The following STON1 variants were observed in gnomAD, a reference collection of about 807,000 sequenced individuals.
STON1 encodes the protein stonin 1, also known as stonin-1.
Under a neutral mutation model 60.9 loss-of-function variants are expected in STON1, and 79 were observed. The ratio of observed to expected loss-of-function variants is 1.30; its 90% CI spans 1.08 to 1.56. The LOEUF is 1.56. STON1 is among the 40% of genes most tolerant of loss of function. The pLI, the probability that STON1 is intolerant of heterozygous loss-of-function variation, is 0.00. For synonymous variants in STON1, 363 were observed against 306.9 expected, an observed-to-expected ratio of 1.18 and a Z score of -1.91; for missense variants, 1,166 against 858.9, an observed-to-expected ratio of 1.36 and a Z score of -4.47.
At position 48,581,541 on chromosome 2, in the gene STON1, C is replaced by T; in HGVS notation, c.908C>T (p.Pro303Leu). ...QWGPIFLKVL[P>L]GGILQMYYEQ... ...GGACCAATTTTTCTGAAAGTTTTGC[C>T]TGGAGGAATTTTGCAGATGTATTAT... is the stretch of plus-strand genomic sequence containing the variant. Residue 303 changes from proline (P) to leucine (L), a missense_variant, in exon 2 of 4, where the codon CCT (proline) becomes CTT (leucine). Pro to Leu is a moderately conservative substitution (Grantham distance 98). Coordinates refer to ENST00000404752, the MANE Select transcript of STON1 (RefSeq NM_006873.4). 2 of 1,614,142 alleles carry T rather than the reference C, an allele frequency of 1.2e-6. No homozygotes were observed. The highest frequency in any genetic ancestry group is 8.5e-7 in the Non-Finnish European group (1 of 1,180,048).
chr2:48,564,480 T>TTCTTCTTCTTCTTCCTC (rs1558604783), intron 1 of STON1, among the ~76,000 whole-genome samples: 1 of 32,494 alleles, frequency 3.1e-5, no homozygotes, highest in Non-Finnish European at 6.5e-5. Flanking sequence ...CTTCTTCTTC[T>TTCTTCTTCTTCTTCCTC]TTCTTCTTCT....
intron 2 of STON1, among the ~76,000 whole-genome samples, chr2:48,586,349 A>G (rs531205680): frequency 6.6e-6 from 1 of 152,234 alleles, no homozygotes; most frequent in African/African-American, 2.4e-5. Context: ...TACAGACACA[A>G]ACATGATTCC....
At chr2:48,550,694 T>G (rs1478987121) in intron 1 of STON1, among the ~76,000 whole-genome samples, 1 of 151,612 alleles carries the variant, frequency 6.6e-6, no homozygotes, top group Non-Finnish European at 1.5e-5. Context: ...GGATGATAAC[T>G]GGTTAGCTCA....
At chr2:48,583,808 G>T (rs1674042843) in intron 2 of STON1, among the ~76,000 whole-genome samples, 1 of 150,888 alleles carries the variant, frequency 6.6e-6, no homozygotes, top group African/African-American at 2.4e-5. Flanking sequence ...GTGGAGTGCG[G>T]TGGCACAATC....
At chr2:48,545,515 A>G (rs1450390870) in intron 1 of STON1, among the ~76,000 whole-genome samples, 5 of 152,244 alleles carry the variant, frequency 3.3e-5, no homozygotes, top group South Asian at 2.1e-4. Context: ...CCATCTTTCC[A>G]TGATTCTTTC....
chr2:48,593,922 A>T (rs1183811075), intron 3 of STON1, among the ~76,000 whole-genome samples: 1 of 152,110 alleles, frequency 6.6e-6, no homozygotes, highest in Non-Finnish European at 1.5e-5. Flanking sequence ...GCAGGTGGGA[A>T]TTGCCGCCGC....
At position 48,596,161 on chromosome 2, in the gene STON1, GT is replaced by G. The variant is rs1674774676; in HGVS notation, c.*860del. 1 of 152,156 alleles carries G rather than the reference GT, an allele frequency of 6.6e-6. No homozygotes were observed. The highest frequency in any genetic ancestry group is 1.5e-5 in the Non-Finnish European group (1 of 68,026). 9.4% of individuals were successfully genotyped at this position (152,156 alleles called of 1,614,324 possible). A position where few individuals can be genotyped will look rare whatever the true frequency, so the allele number is the denominator to read the frequency against. On this transcript the variant is annotated 3_prime_UTR_variant, in exon 4 of 4. Coordinates refer to ENST00000404752, the MANE Select transcript of STON1 (RefSeq NM_006873.4). The stretch of plus-strand genomic sequence containing the variant: ...GACATATTTTGATAAAGTATTATTT[GT>G]AATGAACACAAGCCTCTCTTGAGTA...
At chr2:48,533,268 C>T (rs948413165) in intron 1 of STON1, among the ~76,000 whole-genome samples, 1 of 151,630 alleles carries the variant, frequency 6.6e-6, no homozygotes, top group Non-Finnish European at 1.5e-5. Context: ...TATAATCCCA[C>T]CTACTCGGGA....
chr2:48,563,801 C>T (rs1672710303), intron 1 of STON1, among the ~76,000 whole-genome samples: 1 of 152,054 alleles, frequency 6.6e-6, no homozygotes, highest in South Asian at 2.1e-4. Flanking sequence ...TCAAGCAGTT[C>T]TCTCACCTCG....
chr2:48,591,985 A>C, intron 3 of STON1, 130 bp downstream of exon 3: 1 of 1,288,636 alleles, frequency 7.8e-7, no homozygotes, highest in Non-Finnish European at 1.0e-6. Context: ...AGAGGATCTC[A>C]GCTATGGAAA....
chr2:48,583,785 C>A (rs1674041265), intron 2 of STON1, among the ~76,000 whole-genome samples: 1 of 147,818 alleles, frequency 6.8e-6, no homozygotes, highest in Non-Finnish European at 1.5e-5. Flanking sequence ...TGGAGTCTCG[C>A]TTTCTCACCC....
intron 1 of STON1, among the ~76,000 whole-genome samples, chr2:48,569,415 G>C (rs1195073496): frequency 6.6e-6 from 1 of 151,904 alleles, no homozygotes; most frequent in East Asian, 1.9e-4. Flanking sequence ...GGCATTTGTA[G>C]ACAGTGTGGA....
chr2:48,575,600 C>T (rs1054632671), intron 1 of STON1, among the ~76,000 whole-genome samples: 8 of 151,692 alleles, frequency 5.3e-5, no homozygotes, highest in Non-Finnish European at 7.4e-5. Flanking sequence ...TTGCGGTGAG[C>T]CGAGATTGCG....
intron 1 of STON1, among the ~76,000 whole-genome samples, chr2:48,574,182 CT>C (rs1167256757): frequency 6.6e-6 from 1 of 151,874 alleles, no homozygotes; most frequent in African/African-American, 2.4e-5. Context: ...TTGAGACCAG[CT>C]TGGCCAACAT....
chr2:48,548,678 T>C (rs1477460226), intron 1 of STON1, among the ~76,000 whole-genome samples: 2 of 151,982 alleles, frequency 1.3e-5, no homozygotes, highest in Non-Finnish European at 2.9e-5. Context: ...TTTGCATTTT[T>C]AGTAGATGTG....
chr2:48,561,770 A>G (rs1007111305), intron 1 of STON1, among the ~76,000 whole-genome samples: 1 of 152,176 alleles, frequency 6.6e-6, no homozygotes, highest in Non-Finnish European at 1.5e-5. Flanking sequence ...GAGTAATGCT[A>G]AGTCCTGGGT....
chr2:48,553,262 G>A (rs1020893485), intron 1 of STON1, among the ~76,000 whole-genome samples: 2 of 152,120 alleles, frequency 1.3e-5, no homozygotes, highest in Non-Finnish European at 2.9e-5. Flanking sequence ...GAAAGATATT[G>A]TTGCTGTGCC....
chr2:48,589,908 C>T (rs1572647515), intron 2 of STON1, among the ~76,000 whole-genome samples: 1 of 152,110 alleles, frequency 6.6e-6, no homozygotes, highest in Admixed American at 6.5e-5. Flanking sequence ...ATACTACTGC[C>T]CCAGTGCTGT....
rs543743812 is a variant in STON1 at position 48,576,917 on chromosome 2, G to A, written c.-47-3670G>A. On this transcript the variant is annotated intron_variant, in intron 1 of 3. Transcript: ENST00000404752. ...AAAATACAAAAAATTAGCCGGGCGCGGTGGCGGGCGCCTGTAGTCCCAGCT... is the reference window on the plus strand; with the variant it reads ...AAAATACAAAAAATTAGCCGGGCGCAGTGGCGGGCGCCTGTAGTCCCAGCT... Among the ~76,000 whole-genome samples, 14 of 152,144 alleles carry A rather than the reference G, an allele frequency of 9.2e-5. No homozygotes were observed. The East Asian group carries it at 1.6e-3, about 17-fold the overall frequency.
Sources: gnomAD v4.1 joint callset for allele counts (sites outside exome capture counted in the v4.1 genomes callset) on GRCh38, gnomAD v4.1.1 for gene constraint, MANE v1.5 for transcripts, NCBI Gene and HGNC (gene_info 2026-07-23, HGNC 2026-07-21) for gene names.